EFCAB11: variants seen among roughly 807,000 people sequenced by gnomAD.
EFCAB11 encodes the protein EF-hand calcium-binding domain-containing protein 11.
A neutral mutation model predicts 23.0 loss-of-function variants in EFCAB11; 14 were observed. That is an observed-to-expected ratio of 0.61 (90% CI 0.40 to 0.95). The LOEUF is 0.95. Ranked by LOEUF, EFCAB11 falls within the 40% of genes least tolerant of loss-of-function variation. The pLI is 0.00. For synonymous variants in EFCAB11, 65 were observed against 66.6 expected, an observed-to-expected ratio of 0.98 and a Z score of 0.11; for missense variants, 198 against 195.8, an observed-to-expected ratio of 1.01 and a Z score of -0.07.
At chr14:89,852,931 C>A (rs748807353) in intron 5 of EFCAB11, among the ~76,000 whole-genome samples, 22 of 152,130 alleles carry the variant, frequency 1.4e-4, no homozygotes, top group Non-Finnish European at 2.6e-4. Context: ...ACTCGACATT[C>A]CTACCTTCTC....
intron 3 of EFCAB11, among the ~76,000 whole-genome samples, chr14:89,945,108 CT>C (rs931543706): frequency 1.9e-4 from 29 of 151,508 alleles, no homozygotes; most frequent in African/African-American, 3.1e-4. Flanking sequence ...TCCCTGCTCT[CT>C]TTTCCCCCCC....
Position 89,954,714 on chromosome 14 carries a change from A to G in EFCAB11, c.-54T>C. On this transcript the variant is annotated 5_prime_UTR_variant, in exon 1 of 6. Coordinates refer to ENST00000316738, the MANE Select transcript of EFCAB11 (RefSeq NM_145231.4). ...CCCAACCAGCTACCACCGCTTTCCC[A>G]GCCTGGCTGGCAGCCTACCGCGGCC... 1 of 1,582,278 alleles carries G rather than the reference A, an allele frequency of 6.3e-7. No individual in the cohort carries two copies. The highest frequency in any genetic ancestry group is 1.1e-5 in the South Asian group (1 of 88,464).
chr14:89,854,016 AAAAG>A lies in EFCAB11; in HGVS notation c.411-56696_411-56693del, dbSNP rs1410755402. Among the ~76,000 whole-genome samples, 4 of 152,330 alleles carry A rather than the reference AAAAG, an allele frequency of 2.6e-5. No individual in the cohort carries two copies. In the East Asian group the frequency reaches 7.7e-4, roughly 29 times the overall value. On this transcript the variant is annotated intron_variant, in intron 5 of 5. Coordinates refer to ENST00000316738, the MANE Select transcript of EFCAB11 (RefSeq NM_145231.4). ...CATCTCAGGACAACTCTTTGAATCA[AAAAG>A]AGAGAGAGCAAGAGTGCCAGCACAT... is the stretch of plus-strand genomic sequence containing the variant.
At chr14:89,916,156 GA>G (rs10569453) in intron 5 of EFCAB11, among the ~76,000 whole-genome samples, 33,195 of 138,686 alleles carry the variant, frequency 0.24, 4,653 homozygotes, top group African/African-American at 0.39. Context: ...GAATGGCTCA[GA>G]AAAAAAAAAA....
At chr14:89,829,657 A>C (rs1886820585) in intron 5 of EFCAB11, among the ~76,000 whole-genome samples, 2 of 152,218 alleles carry the variant, frequency 1.3e-5, no homozygotes, top group Non-Finnish European at 2.9e-5. Context: ...GACAGGTAGA[A>C]TCAAATGGCA....
intron 5 of EFCAB11, among the ~76,000 whole-genome samples, chr14:89,888,178 T>C (rs1888851479): frequency 6.6e-6 from 1 of 152,238 alleles, no homozygotes. Flanking sequence ...ACCAATGTGA[T>C]GGCTGGAGGT....
intron 5 of EFCAB11, among the ~76,000 whole-genome samples, chr14:89,835,105 T>G (rs924255312): frequency 6.9e-6 from 1 of 145,912 alleles, no homozygotes; most frequent in Non-Finnish European, 1.5e-5. Flanking sequence ...CAAGGCCATT[T>G]GCTGAGAGTG....
At chr14:89,926,953 C>T (rs1239036507) in intron 5 of EFCAB11, among the ~76,000 whole-genome samples, 3 of 152,116 alleles carry the variant, frequency 2.0e-5, no homozygotes, top group Non-Finnish European at 2.9e-5. Context: ...AGAATGTCAA[C>T]GTTATGAACC....
intron 5 of EFCAB11, among the ~76,000 whole-genome samples, chr14:89,844,800 C>T (rs933470945): frequency 6.6e-6 from 1 of 152,206 alleles, no homozygotes; most frequent in African/African-American, 2.4e-5. Context: ...GTAATTCCTT[C>T]TGGGACTTGG....
chr14:89,931,740 A>G lies in EFCAB11; in HGVS notation c.320-109T>C, dbSNP rs183243321. The G allele has an allele frequency of 5.6e-5, 46 of 822,448 alleles. No homozygotes were observed. In the African/African-American group the frequency reaches 6.7e-4, roughly 12 times the overall value. The allele number at this position is 822,448 out of a possible 1,614,324, so 50.9% of individuals were successfully genotyped here. ...TATTTTAATATATTACTAGGAGAAA[A>G]GCAGTAGTTTACGATTGATTTCACA... On this transcript the variant is annotated intron_variant, in intron 4 of 5. Transcript: ENST00000316738.
At chr14:89,849,431 G>A (rs1275938203) in intron 5 of EFCAB11, among the ~76,000 whole-genome samples, 2 of 152,116 alleles carry the variant, frequency 1.3e-5, no homozygotes, top group Admixed American at 6.5e-5. Flanking sequence ...AAACGTAGAT[G>A]GTGTAATCTA....
At chr14:89,951,402 C>T (rs1168896353) in intron 2 of EFCAB11, among the ~76,000 whole-genome samples, 2 of 152,114 alleles carry the variant, frequency 1.3e-5, no homozygotes, top group African/African-American at 2.4e-5. Context: ...TAAATGACCA[C>T]CCAGACTGTT....
chr14:89,954,475 A>G, intron 1 of EFCAB11, 111 bp downstream of exon 1: 1 of 1,542,862 alleles, frequency 6.5e-7, no homozygotes, highest in South Asian at 1.2e-5. Context: ...TTGGACAGGC[A>G]GCCCAGGTCT....
chr14:89,913,965 G>A (rs772585659), intron 5 of EFCAB11, among the ~76,000 whole-genome samples: 11 of 152,078 alleles, frequency 7.2e-5, no homozygotes, highest in Non-Finnish European at 1.0e-4. Flanking sequence ...TTTGTATGCC[G>A]GAGACCCAGC....
intron 5 of EFCAB11, among the ~76,000 whole-genome samples, chr14:89,906,208 TAAATAAATA>T (rs1889494023): frequency 6.6e-6 from 1 of 151,152 alleles, no homozygotes; most frequent in African/African-American, 2.4e-5. Flanking sequence ...AATAAATAAA[TAAATAAATA>T]AATTAAAGGT....
chr14:89,949,392 T>C (rs1044231891), intron 3 of EFCAB11, among the ~76,000 whole-genome samples: 1 of 152,214 alleles, frequency 6.6e-6, no homozygotes, highest in African/African-American at 2.4e-5. Flanking sequence ...GAGACAGAGT[T>C]TCACTCTTGT....
chr14:89,800,282 C>T (rs1432066948), intron 5 of EFCAB11, among the ~76,000 whole-genome samples: 3 of 152,178 alleles, frequency 2.0e-5, no homozygotes, highest in Non-Finnish European at 4.4e-5. Flanking sequence ...AAGTCGATTA[C>T]AGTTTCCATG....
chr14:89,873,194 C>T lies in EFCAB11; in HGVS notation c.410+58347G>A, dbSNP rs552752873. ...TGAAGGAGGAGCAAGGCACATCTTA[C>T]GTGGCGGCAGGCAAGAGAACTTGTG... On this transcript the variant is annotated intron_variant, in intron 5 of 5. Coordinates refer to ENST00000316738, the MANE Select transcript of EFCAB11 (RefSeq NM_145231.4). Among the ~76,000 whole-genome samples, 8 of 152,238 alleles carry T rather than the reference C, an allele frequency of 5.3e-5. No individual in the cohort carries two copies. The South Asian group carries it at 1.2e-3, about 24-fold the overall frequency.
intron 5 of EFCAB11, among the ~76,000 whole-genome samples, chr14:89,921,072 A>AAAAAAAAG (rs796207560): frequency 6.8e-6 from 1 of 147,520 alleles, no homozygotes; most frequent in African/African-American, 2.7e-5. Flanking sequence ...CTAAAAAAAA[A>AAAAAAAAG]AAAAGAAAAG....
Sources: gnomAD v4.1 joint callset for allele counts (sites outside exome capture counted in the v4.1 genomes callset) on GRCh38, gnomAD v4.1.1 for gene constraint, MANE v1.5 for transcripts, NCBI Gene and HGNC (gene_info 2026-07-23, HGNC 2026-07-21) for gene names.